DHRS3: variants seen among roughly 807,000 people sequenced by gnomAD.
DHRS3 encodes the protein dehydrogenase/reductase 3, also known as short-chain dehydrogenase/reductase 3.
Under a neutral mutation model 27.2 loss-of-function variants are expected in DHRS3, and 14 were observed. The ratio of observed to expected loss-of-function variants is 0.52; its 90% CI spans 0.34 to 0.81. DHRS3 has a LOEUF of 0.81. DHRS3 is among the 30% of genes least tolerant of loss of function. The pLI, the probability that DHRS3 is intolerant of heterozygous loss-of-function variation, is 0.01. For missense variants in DHRS3, 322 were observed against 406.2 expected, an observed-to-expected ratio of 0.79 and a Z score of 1.78; for synonymous variants, 165 against 175.9, an observed-to-expected ratio of 0.94 and a Z score of 0.49.
intron 1 of DHRS3, among the ~76,000 whole-genome samples, chr1:12,584,994 GGT>G (rs1328857895): frequency 1.4e-5 from 2 of 146,742 alleles, no homozygotes; most frequent in Admixed American, 6.8e-5. Flanking sequence ...TGTGTCTGTG[GGT>G]GTGTGTCTGT....
chr1:12,600,130 T>C (rs750729740), intron 1 of DHRS3, among the ~76,000 whole-genome samples: 7 of 152,128 alleles, frequency 4.6e-5, no homozygotes, highest in Non-Finnish European at 1.0e-4. Flanking sequence ...TTTGGTGTGG[T>C]TGACTCCTGA....
intron 4 of DHRS3, among the ~76,000 whole-genome samples, chr1:12,575,323 T>C (rs939211894): frequency 1.4e-5 from 2 of 147,974 alleles, no homozygotes; most frequent in African/African-American, 5.1e-5. Flanking sequence ...CAAGACTTTG[T>C]ATCAAAAGAA....
At chr1:12,600,297 A>G (rs1234252385) in intron 1 of DHRS3, 2 of 966,114 alleles carry the variant, frequency 2.1e-6, no homozygotes, top group African/African-American at 3.5e-5. Flanking sequence ...AAGCCAAGGC[A>G]TGGATCTGCT....
At chr1:12,612,966 A>C (rs1464979748) in intron 1 of DHRS3, among the ~76,000 whole-genome samples, 1 of 152,132 alleles carries the variant, frequency 6.6e-6, no homozygotes, top group Non-Finnish European at 1.5e-5. Flanking sequence ...AGGCTGAGAC[A>C]GGAGAATCGC....
intron 1 of DHRS3, among the ~76,000 whole-genome samples, chr1:12,602,439 C>T (rs1284158544): frequency 1.3e-5 from 2 of 152,150 alleles, no homozygotes; most frequent in African/African-American, 4.8e-5. Flanking sequence ...TCCAATTCCC[C>T]CTGAGGGCTT....
intron 1 of DHRS3, among the ~76,000 whole-genome samples, chr1:12,595,716 A>G: frequency 7.6e-6 from 1 of 130,778 alleles, no homozygotes; most frequent in Non-Finnish European, 1.6e-5. Context: ...CAGGGTGCAG[A>G]TGGGGGGCGA....
intron 1 of DHRS3, among the ~76,000 whole-genome samples, chr1:12,610,244 A>ATT (rs113026130): frequency 0.012 from 1,685 of 142,506 alleles, 28 homozygotes; most frequent in African/African-American, 0.039. Flanking sequence ...ATGCCCAGCA[A>ATT]TTTTTTTTTT....
At chr1:12,597,293 T>G (rs552410545) in intron 1 of DHRS3, among the ~76,000 whole-genome samples, 2 of 152,254 alleles carry the variant, frequency 1.3e-5, no homozygotes, top group African/African-American at 4.8e-5. Context: ...GCCAGGCTGG[T>G]CTCGAACTCC....
chr1:12,571,491 G>A (rs1646536119), intron 5 of DHRS3, among the ~76,000 whole-genome samples: 2 of 151,886 alleles, frequency 1.3e-5, no homozygotes, highest in Admixed American at 1.3e-4. Context: ...GAACCTTTGG[G>A]GTACCCGGGA....
chr1:12,568,082 C>A lies in DHRS3; in HGVS notation c.*258G>T, dbSNP rs545239050. 82 of 402,714 alleles carry A rather than the reference C, an allele frequency of 2.0e-4. No individual in the cohort carries two copies. Among genetic ancestry groups the A allele is most frequent in the Middle Eastern group, 7.6e-4 (1 of 1,318 alleles). 24.9% of individuals were successfully genotyped at this position (402,714 alleles called of 1,614,324 possible). Reference sequence around the variant, plus strand: ...GACTTGAGAAGCAATTGACAATAAACTCTACAGAACTGGAAATGTTCAAAA... The same window carrying A: ...GACTTGAGAAGCAATTGACAATAAAATCTACAGAACTGGAAATGTTCAAAA... On this transcript the variant is annotated 3_prime_UTR_variant, in exon 6 of 6. Coordinates refer to ENST00000616661, the MANE Select transcript of DHRS3 (RefSeq NM_004753.7).
At chr1:12,570,067 C>T (rs1646522442) in intron 5 of DHRS3, 1 of 152,184 alleles carries the variant, frequency 6.6e-6, no homozygotes, top group South Asian at 2.1e-4. Flanking sequence ...TCCCTTCATA[C>T]AACACACTTT....
At chr1:12,585,211 A>ATCTCTGTGTGTCTCTGTGAGTG (rs145659460) in intron 1 of DHRS3, among the ~76,000 whole-genome samples, 4 of 140,178 alleles carry the variant, frequency 2.9e-5, no homozygotes, top group Non-Finnish European at 6.0e-5. Context: ...GTGTCTGTGT[A>ATCTCTGTGTGTCTCTGTGAGTG]TCTCTGTGTG....
At chr1:12,616,788 C>A in intron 1 of DHRS3, 1 of 1,157,028 alleles carries the variant, frequency 8.6e-7, no homozygotes, top group South Asian at 2.1e-5. Flanking sequence ...TGCGCACACC[C>A]TGCACTCACC....
chr1:12,600,993 G>A (rs1646832170), intron 1 of DHRS3, among the ~76,000 whole-genome samples: 1 of 151,748 alleles, frequency 6.6e-6, no homozygotes, highest in Non-Finnish European at 1.5e-5. Context: ...GGGGGGTTGG[G>A]GGGCGCGGTG....
chr1:12,579,667 G>A (rs570708711), intron 2 of DHRS3: 38 of 376,660 alleles, frequency 1.0e-4, no homozygotes, highest in African/African-American at 7.8e-4. Flanking sequence ...GTAGAGATGG[G>A]GTTTCACCAT....
At chr1:12,585,859 G>T (rs908623028) in intron 1 of DHRS3, among the ~76,000 whole-genome samples, 1 of 152,226 alleles carries the variant, frequency 6.6e-6, no homozygotes, top group African/African-American at 2.4e-5. Context: ...CTGCAGAGGG[G>T]ACTGATTTCT....
In DHRS3 at chr1:12,591,711, CAAGCGGT is replaced by C. The variant is rs904463967; in HGVS notation, c.196-11052_196-11046del. 6.6e-6 allele frequency among the ~76,000 whole-genome samples: 1 copy of C among 152,244 alleles called. No individual in the cohort carries two copies. The highest frequency in any genetic ancestry group is 6.5e-5 in the Admixed American group (1 of 15,290). On this transcript the variant is annotated intron_variant, in intron 1 of 5. Coordinates refer to ENST00000616661, the MANE Select transcript of DHRS3 (RefSeq NM_004753.7). The surrounding 1 kb of genome is among the most constrained non-coding windows in gnomAD (Gnocchi z 4.1). ...GATACACGAAGGGGCTATGTAATTCCAAGCGGTAAGCGGTAGAGCTGGGACCTCAACT... is the reference window on the plus strand; with the variant it reads ...GATACACGAAGGGGCTATGTAATTCCAAGCGGTAGAGCTGGGACCTCAACT...
chr1:12,600,574 C>T (rs1040566055), intron 1 of DHRS3, among the ~76,000 whole-genome samples: 2 of 152,180 alleles, frequency 1.3e-5, no homozygotes, highest in Non-Finnish European at 2.9e-5. Flanking sequence ...GTCACACTGG[C>T]CCCAGCTCCC....
In DHRS3 at chr1:12,593,339, G is replaced by A. The variant is rs1389737122; in HGVS notation, c.196-12673C>T. Among the ~76,000 whole-genome samples, 3 of 152,050 alleles carry A rather than the reference G, an allele frequency of 2.0e-5. No homozygotes were observed. The highest frequency in any genetic ancestry group is 7.2e-5 in the African/African-American group (3 of 41,414). On this transcript the variant is annotated intron_variant, in intron 1 of 5. Transcript: ENST00000616661. The surrounding 1 kb of genome is among the most constrained non-coding windows in gnomAD (Gnocchi z 4.6). ...TCCCAAGTATCCCTCTCCTTGTAGG[G>A]CACCCTCTTTTCTTTTTAAAAAATT...
Sources: allele counts gnomAD v4.1 joint callset (sites outside exome capture counted in the v4.1 genomes callset), GRCh38; gene constraint gnomAD v4.1.1; non-coding constraint Gnocchi (gnomAD v3.1); transcripts MANE v1.5; gene names NCBI Gene and HGNC (gene_info 2026-07-23, HGNC 2026-07-21).